The following PDE4B variants were observed in gnomAD, a reference collection of about 807,000 sequenced individuals.
PDE4B encodes 3',5'-cyclic-AMP phosphodiesterase 4B.
PDE4B carries 20 observed loss-of-function variants against 82.2 expected under a neutral mutation model. The ratio of observed to expected loss-of-function variants is 0.24; its 90% CI spans 0.17 to 0.35. The LOEUF (loss-of-function observed/expected upper bound fraction) is 0.35, where lower values mean the gene tolerates loss of function less well. Among genes scored for constraint, PDE4B ranks in the 10% least tolerant of loss-of-function variants. PDE4B has a pLI of 1.00. For synonymous variants in PDE4B, 320 were observed against 318.9 expected, an observed-to-expected ratio of 1.00 and a Z score of -0.04; for missense variants, 655 against 907.2, an observed-to-expected ratio of 0.72 and a Z score of 3.57.
At chr1:66,285,754 G>A (rs139332505) in intron 7 of PDE4B, among the ~76,000 whole-genome samples, 7 of 152,050 alleles carry the variant, frequency 4.6e-5, no homozygotes, top group African/African-American at 1.2e-4. Context: ...TTGCCCAGAC[G>A]GATTAGAGGA....
rs57338201 is a variant in PDE4B at position 65,914,454 on chromosome 1, ACTT to A, written c.42+1114_42+1116del. On this transcript the variant is annotated intron_variant, in intron 2 of 16. Transcript: ENST00000341517. ...TGTTCTGTCACTTGTGGCAGCATTT[ACTT>A]CTTCTTCTTCTTCTTTTTTTTTTTT... 1.6e-3 allele frequency among the ~76,000 whole-genome samples: 237 copies of A among 145,386 alleles called. 1 individual carries two copies. Among genetic ancestry groups the A allele is most frequent in the African/African-American group, 4.8e-3 (192 of 39,744 alleles).
At chr1:65,826,799 C>T (rs1442578581) in intron 1 of PDE4B, among the ~76,000 whole-genome samples, 1 of 152,056 alleles carries the variant, frequency 6.6e-6, no homozygotes, top group African/African-American at 2.4e-5. Flanking sequence ...AAAATTACAC[C>T]CCCTATTGTG....
intron 3 of PDE4B, among the ~76,000 whole-genome samples, chr1:66,018,573 T>C (rs1652909864): frequency 6.6e-6 from 1 of 152,222 alleles, no homozygotes. Flanking sequence ...AATATGAGGT[T>C]AATATTTTAA....
chr1:66,047,740 A>G (rs1262700959), intron 3 of PDE4B, among the ~76,000 whole-genome samples: 3 of 151,984 alleles, frequency 2.0e-5, no homozygotes, highest in Non-Finnish European at 2.9e-5. Flanking sequence ...GAACATGACC[A>G]TAATTGACTG....
Position 66,073,200 on chromosome 1 carries a change from A to G in PDE4B, c.281+154365A>G, listed in dbSNP as rs17128361. Among the ~76,000 whole-genome samples the G allele has an allele frequency of 0.03, 4,636 of 152,174 alleles. 421 individuals are homozygous for G. The East Asian group carries it at 0.36, about 12-fold the overall frequency. ...TGCGCCCAACAGATTGAACCCTTCC[A>G]TGGCACATCTACGCACCTTTCTTTA... On this transcript the variant is annotated intron_variant, in intron 3 of 16. Coordinates refer to ENST00000341517, the MANE Select transcript of PDE4B (RefSeq NM_002600.4).
At chr1:65,811,054 T>A (rs1243746055) in intron 1 of PDE4B, among the ~76,000 whole-genome samples, 1 of 152,122 alleles carries the variant, frequency 6.6e-6, no homozygotes, top group African/African-American at 2.4e-5. Flanking sequence ...CACTCTCTTT[T>A]CCCCCTACCC....
At chr1:66,294,591 C>G (rs903392937) in intron 7 of PDE4B, among the ~76,000 whole-genome samples, 1 of 152,082 alleles carries the variant, frequency 6.6e-6, no homozygotes, top group Non-Finnish European at 1.5e-5. Context: ...GCTTTGCAAA[C>G]AGGTCAGTAA....
intron 1 of PDE4B, among the ~76,000 whole-genome samples, chr1:65,887,393 C>T (rs1324655260): frequency 4.2e-4 from 9 of 21,338 alleles, no homozygotes; most frequent in South Asian, 1.6e-3. Context: ...TCCTTCTTTT[C>T]TTTCTTTTTC....
chr1:66,068,321 A>AG (rs1168982565), intron 3 of PDE4B, among the ~76,000 whole-genome samples: 1 of 151,976 alleles, frequency 6.6e-6, no homozygotes, highest in African/African-American at 2.4e-5. Flanking sequence ...GCGTTGAAAG[A>AG]GAAAAAACTT....
intron 3 of PDE4B, among the ~76,000 whole-genome samples, chr1:66,122,162 G>A (rs1402105747): frequency 6.6e-6 from 1 of 152,152 alleles, no homozygotes; most frequent in Non-Finnish European, 1.5e-5. Context: ...TAGCTTCTTT[G>A]AGCGTCCATT....
At chr1:65,965,436 C>T (rs1406734932) in intron 3 of PDE4B, among the ~76,000 whole-genome samples, 2 of 151,940 alleles carry the variant, frequency 1.3e-5, no homozygotes, top group Non-Finnish European at 2.9e-5. Context: ...AAATTAAGTA[C>T]ATTTTATATG....
In PDE4B at chr1:65,842,309, T is replaced by C. The variant is rs567436441; in HGVS notation, c.-71+49061T>C. ...CAAAAACAAATAATTATAGTGTTTT[T>C]ATTCAGTATTATAATTCATATATGA... On this transcript the variant is annotated intron_variant, in intron 1 of 16. Coordinates refer to ENST00000341517, the MANE Select transcript of PDE4B (RefSeq NM_002600.4). Among the ~76,000 whole-genome samples, 7 of 152,252 alleles carry C rather than the reference T, an allele frequency of 4.6e-5. No homozygotes were observed. In the East Asian group the frequency reaches 1.4e-3, roughly 29 times the overall value.
chr1:66,243,092 T>A lies in PDE4B; in HGVS notation c.282-4368T>A, dbSNP rs541699755. 2.0e-5 allele frequency among the ~76,000 whole-genome samples: 3 copies of A among 152,360 alleles called. No homozygotes were observed. In the East Asian group the frequency reaches 5.8e-4, roughly 29 times the overall value. On this transcript the variant is annotated intron_variant, in intron 3 of 16. Coordinates refer to ENST00000341517, the MANE Select transcript of PDE4B (RefSeq NM_002600.4). ...CTCAAACAGCTAAGCCAGTGATATT[T>A]CTATGCAGATTTGTTTTGCTCAGGG...
At chr1:66,151,343 A>C (rs1327235964) in intron 3 of PDE4B, among the ~76,000 whole-genome samples, 1 of 152,142 alleles carries the variant, frequency 6.6e-6, no homozygotes, top group Non-Finnish European at 1.5e-5. Flanking sequence ...GGCTCTTCCT[A>C]ATGTGGAACT....
chr1:66,276,942 C>G (rs537876177), intron 7 of PDE4B, among the ~76,000 whole-genome samples: 1 of 152,084 alleles, frequency 6.6e-6, no homozygotes, highest in Admixed American at 6.5e-5. Context: ...ATTTAGAACA[C>G]GCCTGGCACC....
At chr1:66,124,599 G>A (rs1645780451) in intron 3 of PDE4B, among the ~76,000 whole-genome samples, 1 of 152,058 alleles carries the variant, frequency 6.6e-6, no homozygotes, top group Non-Finnish European at 1.5e-5. Flanking sequence ...GGCTGAACTA[G>A]ACTCTTTCAA....
chr1:65,822,421 T>C (rs966328829), intron 1 of PDE4B, among the ~76,000 whole-genome samples: 2 of 152,170 alleles, frequency 1.3e-5, no homozygotes, highest in Admixed American at 6.5e-5. Context: ...TGCCTTTTTT[T>C]CCCCAAAGTG....
chr1:66,353,509 G>C, intron 8 of PDE4B, among the ~76,000 whole-genome samples: 1 of 152,218 alleles, frequency 6.6e-6, no homozygotes, highest in East Asian at 1.9e-4. Flanking sequence ...CCAATTGCAA[G>C]TTGGGGCTGT....
chr1:66,200,301 T>C (rs1003982718), intron 3 of PDE4B, among the ~76,000 whole-genome samples: 1 of 152,212 alleles, frequency 6.6e-6, no homozygotes, highest in East Asian at 1.9e-4. Flanking sequence ...CTTTGTTCTT[T>C]TGGCTTAGGA....
Sources: allele counts gnomAD v4.1 joint callset (sites outside exome capture counted in the v4.1 genomes callset), GRCh38; gene constraint gnomAD v4.1.1; transcripts MANE v1.5; gene names NCBI Gene and HGNC (gene_info 2026-07-23, HGNC 2026-07-21).